Variants in RMND5A observed in about 807,000 individuals in gnomAD.
RMND5A encodes the protein E3 ubiquitin-protein transferase RMND5A.
In RMND5A, 17 loss-of-function variants were observed where a neutral mutation model predicts 49.7. The observed-to-expected ratio is 0.34, with a 90% CI of 0.23 to 0.51. The LOEUF (loss-of-function observed/expected upper bound fraction) is 0.51. Among genes scored for constraint, RMND5A ranks in the 20% least tolerant of loss-of-function variants. The pLI, the probability that RMND5A is intolerant of heterozygous loss-of-function variation, is 0.96. For synonymous variants in RMND5A, 156 were observed against 167.7 expected (o/e 0.93, Z 0.54); for missense variants, 255 against 471.3 (o/e 0.54, Z 4.25).
chr2:86,751,759 T>C (rs2104397017), intron 2 of RMND5A, 137 bp from the exon 3 acceptor site: 1 of 642,496 alleles, frequency 1.6e-6, no homozygotes, highest in South Asian at 3.1e-5. Flanking sequence ...AGTGGAAAAA[T>C]TCCTTCCTTT....
Position 86,751,901 on chromosome 2 carries a change from T to G in RMND5A, c.291T>G (p.Phe97Leu), listed in dbSNP as rs1325359977. The G allele has an allele frequency of 6.2e-7, 1 of 1,610,882 alleles. No individual in the cohort carries two copies. Among genetic ancestry groups the G allele is most frequent in the African/African-American group, 1.3e-5 (1 of 74,800 alleles). ...TTTCTCTTTCTTTTCCCCAGAATTTTGATTCTGACATTAGCAGTGTGGGAA... is the reference window on the plus strand; with the variant it reads ...TTTCTCTTTCTTTTCCCCAGAATTTGGATTCTGACATTAGCAGTGTGGGAA... ...SRVGKAIDKN[F>L]DSDISSVGID... The change falls in exon 3 of 9, where the codon TTT becomes TTG. Residue 97 changes from phenylalanine (F) to leucine (L), a missense_variant. Phe to Leu is a conservative substitution (Grantham distance 22). Coordinates refer to ENST00000283632, the MANE Select transcript of RMND5A (RefSeq NM_022780.4).
intron 3 of RMND5A, among the ~76,000 whole-genome samples, chr2:86,752,790 A>G (rs779868733): frequency 6.6e-6 from 1 of 152,214 alleles, no homozygotes; most frequent in African/African-American, 2.4e-5. Flanking sequence ...TGAAGGACCG[A>G]AAGAATTAGT....
chr2:86,742,376 C>G (rs1392755351), intron 2 of RMND5A, among the ~76,000 whole-genome samples: 1 of 151,534 alleles, frequency 6.6e-6, no homozygotes, highest in Non-Finnish European at 1.5e-5. Flanking sequence ...TGTGAAATGG[C>G]TTTGAGGTTG....
chr2:86,764,983 G>A, intron 4 of RMND5A, 44 bp from the exon 5 acceptor site: 1 of 1,557,660 alleles, frequency 6.4e-7, no homozygotes, highest in Non-Finnish European at 8.7e-7. Flanking sequence ...AAGACACCTT[G>A]CTTATGCTTT....
intron 4 of RMND5A, among the ~76,000 whole-genome samples, chr2:86,758,696 A>G (rs924704954): frequency 1.3e-5 from 2 of 152,244 alleles, no homozygotes; most frequent in Admixed American, 1.3e-4. Flanking sequence ...AGAGACTCAC[A>G]CCAACTCTGA....
chr2:86,766,807 A>G (rs191523236), intron 6 of RMND5A, among the ~76,000 whole-genome samples: 50 of 152,246 alleles, frequency 3.3e-4, no homozygotes, highest in Admixed American at 1.8e-3. Flanking sequence ...CGGGTAACAC[A>G]GCTAGACTCC....
At chr2:86,761,232 A>G (rs183802798) in intron 4 of RMND5A, among the ~76,000 whole-genome samples, 22 of 152,342 alleles carry the variant, frequency 1.4e-4, no homozygotes, top group South Asian at 4.1e-4. Flanking sequence ...GATGTTAACA[A>G]TGATCATCAC....
chr2:86,720,616 G>C lies in RMND5A; in HGVS notation c.-52G>C. On this transcript the variant is annotated 5_prime_UTR_variant, in exon 1 of 9. Coordinates refer to ENST00000283632, the MANE Select transcript of RMND5A (RefSeq NM_022780.4). ...ACGCGGCCTCGGTGGGGCCCGGGCCGAACGGCTGCGGACACCTGGGCGCCG... is the reference window on the plus strand; with the variant it reads ...ACGCGGCCTCGGTGGGGCCCGGGCCCAACGGCTGCGGACACCTGGGCGCCG... 1 of 1,475,174 alleles carries C rather than the reference G, an allele frequency of 6.8e-7. No individual in the cohort carries two copies. The highest frequency in any genetic ancestry group is 1.5e-5 in the African/African-American group (1 of 66,802). The allele number at this position is 1,475,174 out of a possible 1,614,324, so 91.4% of individuals were successfully genotyped here.
At chr2:86,769,883 CT>C in intron 6 of RMND5A, 139 bp from the exon 7 acceptor site, 1 of 608,432 alleles carries the variant, frequency 1.6e-6, no homozygotes. Context: ...GCTGGATTTA[CT>C]TTTAGCAGAA....
intron 1 of RMND5A, among the ~76,000 whole-genome samples, chr2:86,725,137 T>A (rs1681270061): frequency 3.3e-5 from 2 of 60,810 alleles, no homozygotes; most frequent in Non-Finnish European, 6.1e-5. Context: ...ACTAACGGAG[T>A]TCTAATGTGG....
chr2:86,747,836 T>C (rs1002270915), intron 2 of RMND5A, among the ~76,000 whole-genome samples: 10 of 152,208 alleles, frequency 6.6e-5, no homozygotes, highest in Non-Finnish European at 1.5e-4. Context: ...TCGCACACTT[T>C]CATAATGATG....
intron 2 of RMND5A, among the ~76,000 whole-genome samples, chr2:86,744,200 G>A (rs1189764576): frequency 2.0e-5 from 3 of 152,094 alleles, no homozygotes; most frequent in African/African-American, 4.8e-5. Flanking sequence ...TTGTGAATGG[G>A]CTTCTCACAT....
chr2:86,758,167 A>G (rs1451087832), intron 4 of RMND5A, among the ~76,000 whole-genome samples: 3 of 152,016 alleles, frequency 2.0e-5, no homozygotes. Flanking sequence ...AAGGCACAAC[A>G]AGATAAAAAT....
At chr2:86,752,441 A>G (rs1460636233) in intron 3 of RMND5A, among the ~76,000 whole-genome samples, 1 of 152,182 alleles carries the variant, frequency 6.6e-6, no homozygotes, top group Non-Finnish European at 1.5e-5. Flanking sequence ...TCCAGCTAAA[A>G]TTTTTTACTT....
chr2:86,767,913 A>C (rs72934493), intron 6 of RMND5A, among the ~76,000 whole-genome samples: 1 of 152,350 alleles, frequency 6.6e-6, no homozygotes, highest in African/African-American at 2.4e-5. Flanking sequence ...CAACCAGAAG[A>C]ACGTATCACA....
intron 1 of RMND5A, among the ~76,000 whole-genome samples, chr2:86,729,264 G>A (rs1681320603): frequency 1.3e-5 from 2 of 152,140 alleles, no homozygotes; most frequent in Non-Finnish European, 1.5e-5. Context: ...GGCACACAGT[G>A]TATAACAGTG....
At chr2:86,764,801 T>C (rs191374886) in intron 4 of RMND5A, among the ~76,000 whole-genome samples, 84 of 152,308 alleles carry the variant, frequency 5.5e-4, no homozygotes, top group Non-Finnish European at 1.1e-3. Context: ...ATTCTAGTGA[T>C]TGTCTATCTT....
intron 2 of RMND5A, among the ~76,000 whole-genome samples, chr2:86,744,587 A>G (rs1050205378): frequency 1.3e-5 from 2 of 152,188 alleles, no homozygotes; most frequent in African/African-American, 4.8e-5. Context: ...TTTTCCTTTT[A>G]TATTTTAATA....
rs1672688530 is a variant in RMND5A at position 86,771,711 on chromosome 2, A to G, written c.1111A>G (p.Lys371Glu). 6.2e-7 allele frequency: 1 copy of G among 1,603,056 alleles called. No individual in the cohort carries two copies. The highest frequency in any genetic ancestry group is 8.5e-7 in the Non-Finnish European group (1 of 1,172,410). ...DALNKMFNGS[K>E]LKCPYCPMEQ... ...CCTGAATAAAATGTTTAATGGTAGC[A>G]AGTAAGTGTCTGACTTTTAAAAAAT... is the stretch of plus-strand genomic sequence containing the variant. Residue 371 changes from lysine to glutamate, a missense_variant and splice_region_variant, in exon 8 of 9, where the codon AAA becomes GAA. Physicochemically the swap from Lys to Glu is moderately conservative, Grantham distance 56 (BLOSUM62 1). Around this residue, in one of 3 missense-constraint regions of RMND5A, gnomAD observed 208 missense variants for 339.8 expected, o/e 0.61. Coordinates refer to ENST00000283632, the MANE Select transcript of RMND5A (RefSeq NM_022780.4).
Sources: gnomAD v4.1 joint callset for allele counts (sites outside exome capture counted in the v4.1 genomes callset) on GRCh38, gnomAD v4.1.1 for gene constraint, gnomAD v4.1.1 regional missense constraint, MANE v1.5 for transcripts, NCBI Gene and HGNC (gene_info 2026-07-23, HGNC 2026-07-21) for gene names.